Variants in NUP35 observed in about 807,000 individuals in gnomAD.
The protein encoded by NUP35 is nucleoporin 35, also known as nucleoporin NUP35.
A neutral mutation model predicts 41.5 loss-of-function variants in NUP35; 25 were observed. The observed-to-expected ratio is 0.60, with a 90% CI of 0.44 to 0.84. NUP35 has a LOEUF of 0.84. NUP35 is among the 40% of genes least tolerant of loss of function. NUP35 has a pLI of 0.00. For missense variants in NUP35, 396 were observed against 396.6 expected, an observed-to-expected ratio of 1.00 and a Z score of 0.01; for synonymous variants, 149 against 130.7, an observed-to-expected ratio of 1.14 and a Z score of -0.96.
chr2:183,153,625 C>T (rs2105608236), intron 5 of NUP35, among the ~76,000 whole-genome samples: 1 of 152,310 alleles, frequency 6.6e-6, no homozygotes, highest in South Asian at 2.1e-4. Context: ...GGTGGGTTCC[C>T]ATGGTCTTGG....
At chr2:183,131,057 G>A (rs1196771590) in intron 3 of NUP35, 2 of 500,164 alleles carry the variant, frequency 4.0e-6, no homozygotes, top group Non-Finnish European at 7.3e-6. Flanking sequence ...TCATAACTCT[G>A]CAGCCTTGAA....
At chr2:183,134,187 C>T (rs867790700) in intron 4 of NUP35, among the ~76,000 whole-genome samples, 3 of 152,088 alleles carry the variant, frequency 2.0e-5, no homozygotes, top group Admixed American at 6.5e-5. Flanking sequence ...CTTCATATGT[C>T]GTCATATGTG....
chr2:183,157,181 A>G (rs1685694102), intron 5 of NUP35, among the ~76,000 whole-genome samples: 1 of 152,170 alleles, frequency 6.6e-6, no homozygotes, highest in Admixed American at 6.5e-5. Context: ...AATGGCAACG[A>G]GAGTAGCATT....
intron 3 of NUP35, 52 bp from the exon 4 acceptor site, chr2:183,133,513 TA>T (rs2105555308): frequency 7.1e-7 from 1 of 1,405,058 alleles, no homozygotes; most frequent in East Asian, 2.3e-5. Context: ...TTTTAACACT[TA>T]CTGTATTTAT....
At chr2:183,133,036 A>G (rs576182988) in intron 3 of NUP35, among the ~76,000 whole-genome samples, 136 of 152,284 alleles carry the variant, frequency 8.9e-4, no homozygotes, top group Non-Finnish European at 1.4e-3. Context: ...AACTATTTTA[A>G]TCCTTAATTT....
chr2:183,126,344 C>T (rs891191028), intron 1 of NUP35, among the ~76,000 whole-genome samples: 5 of 152,202 alleles, frequency 3.3e-5, no homozygotes, highest in African/African-American at 9.7e-5. Context: ...TATCCAGATA[C>T]ATCAGAACTT....
intron 2 of NUP35, among the ~76,000 whole-genome samples, chr2:183,128,925 CT>C (rs1470854175): frequency 6.6e-6 from 1 of 152,056 alleles, no homozygotes; most frequent in Non-Finnish European, 1.5e-5. Flanking sequence ...TTTGAATTGG[CT>C]TTTAAGTACC....
chr2:183,135,877 T>C (rs1221791120), intron 4 of NUP35, among the ~76,000 whole-genome samples: 1 of 148,852 alleles, frequency 6.7e-6, no homozygotes, highest in East Asian at 2.0e-4. Flanking sequence ...AAAAAGTAAA[T>C]AAAAATTTAA....
chr2:183,142,154 A>G (rs1055929695), intron 4 of NUP35, among the ~76,000 whole-genome samples: 2 of 152,050 alleles, frequency 1.3e-5, no homozygotes, highest in South Asian at 2.1e-4. Context: ...TGATATTTCT[A>G]TGGTTGGTAT....
At chr2:183,124,590 T>A in intron 1 of NUP35, 93 bp downstream of exon 1, 1 of 1,514,472 alleles carries the variant, frequency 6.6e-7, no homozygotes, top group Non-Finnish European at 9.2e-7. Context: ...CAGGCTCTCG[T>A]CTGCTGGTTT....
chr2:183,150,009 C>T lies in NUP35; in HGVS notation c.398-1499C>T, dbSNP rs138852923. Among the ~76,000 whole-genome samples the T allele has an allele frequency of 4.6e-3, 701 of 152,092 alleles. 7 individuals are homozygous for T. The highest frequency in any genetic ancestry group is 0.016 in the African/African-American group (676 of 41,490). On this transcript the variant is annotated intron_variant, in intron 4 of 8. Transcript: ENST00000295119. ...GCAACCTCCGCCTCCCGGGTTCAAGCGATTCTCCTGCCTCAGCCTTGAGAG... is the reference window on the plus strand; with the variant it reads ...GCAACCTCCGCCTCCCGGGTTCAAGTGATTCTCCTGCCTCAGCCTTGAGAG...
intron 4 of NUP35, among the ~76,000 whole-genome samples, chr2:183,140,413 T>C (rs1202759476): frequency 1.3e-5 from 2 of 152,228 alleles, no homozygotes; most frequent in African/African-American, 4.8e-5. Context: ...AGGATAATCT[T>C]ATTTTTAATT....
chr2:183,150,485 ACTT>A (rs1685432134), intron 4 of NUP35, among the ~76,000 whole-genome samples: 1 of 151,956 alleles, frequency 6.6e-6, no homozygotes, highest in South Asian at 2.1e-4. Context: ...CAAAATGTTC[ACTT>A]CTTCAAATAT....
chr2:183,154,088 A>T (rs563640301), intron 5 of NUP35, among the ~76,000 whole-genome samples: 33 of 152,290 alleles, frequency 2.2e-4, no homozygotes, highest in Non-Finnish European at 2.9e-4. Context: ...CCACGGCTGC[A>T]GGGGCTGGGA....
At chr2:183,135,515 A>G (rs1346893512) in intron 4 of NUP35, among the ~76,000 whole-genome samples, 5 of 152,206 alleles carry the variant, frequency 3.3e-5, no homozygotes, top group African/African-American at 1.2e-4. Context: ...GGTGGAAGAC[A>G]ATAAGGATGA....
At position 183,142,749 on chromosome 2, in the gene NUP35, G is replaced by A. The variant is rs183283767; in HGVS notation, c.398-8759G>A. ...CCTGCATCAGCCTCCCAAAGTGCTG[G>A]GACTACAGGTGTGAGCCACCATGCC... On this transcript the variant is annotated intron_variant, in intron 4 of 8. Coordinates refer to ENST00000295119, the MANE Select transcript of NUP35 (RefSeq NM_138285.5). Among the ~76,000 whole-genome samples, 568 of 151,866 alleles carry A rather than the reference G, an allele frequency of 3.7e-3. 2 individuals are homozygous for A. The highest frequency in any genetic ancestry group is 5.7e-3 in the Non-Finnish European group (390 of 67,896).
intron 5 of NUP35, among the ~76,000 whole-genome samples, chr2:183,152,776 C>T (rs187486620): frequency 1.2e-4 from 18 of 152,072 alleles, no homozygotes; most frequent in South Asian, 6.2e-4. Flanking sequence ...TTTATTCAGC[C>T]GTTCACATCT....
intron 4 of NUP35, among the ~76,000 whole-genome samples, chr2:183,141,583 G>C (rs1422129109): frequency 6.6e-6 from 1 of 152,072 alleles, no homozygotes; most frequent in African/African-American, 2.4e-5. Context: ...GCTCAGTGCT[G>C]AACCAATTAA....
chr2:183,134,915 C>T (rs146280749), intron 4 of NUP35, among the ~76,000 whole-genome samples: 13 of 152,064 alleles, frequency 8.5e-5, no homozygotes, highest in African/African-American at 2.9e-4. Context: ...TGAGCCACCG[C>T]GCCCAGCTGG....
Sources: gnomAD v4.1 joint callset for allele counts (sites outside exome capture counted in the v4.1 genomes callset) on GRCh38, gnomAD v4.1.1 for gene constraint, MANE v1.5 for transcripts, NCBI Gene and HGNC (gene_info 2026-07-23, HGNC 2026-07-21) for gene names.